The following ZBTB20 variants were observed in gnomAD, a reference collection of about 807,000 sequenced individuals.
ZBTB20 encodes the protein zinc finger and BTB domain-containing protein 20.
Under a neutral mutation model 56.9 loss-of-function variants are expected in ZBTB20, and 9 were observed. The ratio of observed to expected loss-of-function variants is 0.16; its 90% CI spans 0.10 to 0.28. The LOEUF is 0.28. Ranked by LOEUF, ZBTB20 falls within the 10% of genes least tolerant of loss-of-function variation. ZBTB20 has a pLI of 1.00. For missense variants in ZBTB20, 655 were observed against 1,003.0 expected (o/e 0.65, Z 4.69); for synonymous variants, 417 against 420.7 (o/e 0.99, Z 0.11).
At chr3:114,385,664 C>G (rs1293411658) in intron 8 of ZBTB20, among the ~76,000 whole-genome samples, 1 of 152,012 alleles carries the variant, frequency 6.6e-6, no homozygotes, top group African/African-American at 2.4e-5. Flanking sequence ...GTCAAGTGAT[C>G]GAGACAATCC....
intron 3 of ZBTB20, among the ~76,000 whole-genome samples, chr3:114,915,909 T>C (rs2075725137): frequency 6.6e-6 from 1 of 152,112 alleles, no homozygotes; most frequent in African/African-American, 2.4e-5. Context: ...TATTCCATGG[T>C]GATCAGAGAA....
intron 6 of ZBTB20, among the ~76,000 whole-genome samples, chr3:114,686,929 T>TCAA (rs1382096916): frequency 1.3e-5 from 2 of 151,972 alleles, no homozygotes; most frequent in Non-Finnish European, 2.9e-5. Flanking sequence ...TAGTGAACCT[T>TCAA]CAACAACAAC....
At chr3:115,059,004 AT>A (rs1051488162) in intron 2 of ZBTB20, among the ~76,000 whole-genome samples, 2 of 152,156 alleles carry the variant, frequency 1.3e-5, no homozygotes, top group African/African-American at 4.8e-5. Context: ...TTCCAAATAT[AT>A]TTTTCATCTC....
chr3:114,606,229 C>A (rs1560026399), intron 6 of ZBTB20, among the ~76,000 whole-genome samples: 1 of 152,124 alleles, frequency 6.6e-6, no homozygotes, highest in Non-Finnish European at 1.5e-5. Flanking sequence ...TCAATGAATT[C>A]ATTCAGTCCC....
chr3:114,616,949 T>C (rs920852343), intron 6 of ZBTB20, among the ~76,000 whole-genome samples: 1 of 152,220 alleles, frequency 6.6e-6, no homozygotes, highest in Admixed American at 6.5e-5. Context: ...GCCTATCTCT[T>C]GAACATATCT....
At position 114,764,305 on chromosome 3, in the gene ZBTB20, G is replaced by A. The variant is rs6803868; in HGVS notation, c.-343+36796C>T. On this transcript the variant is annotated intron_variant, in intron 5 of 11. Coordinates refer to ENST00000675478, the MANE Select transcript of ZBTB20 (RefSeq NM_001348800.3). ...AGGTTGGAATAATGACCAAAGGGAG[G>A]GGCAAAACAAACAGATATGCTCACT... 4.4e-3 allele frequency among the ~76,000 whole-genome samples: 661 copies of A among 151,324 alleles called. 3 individuals carry two copies. The highest frequency in any genetic ancestry group is 0.015 in the African/African-American group (601 of 41,194).
intron 2 of ZBTB20, among the ~76,000 whole-genome samples, chr3:115,051,294 A>G (rs2081538578): frequency 6.6e-6 from 1 of 152,080 alleles, no homozygotes; most frequent in Non-Finnish European, 1.5e-5. Flanking sequence ...TTAATCAATA[A>G]TCATAAAATT....
intron 5 of ZBTB20, among the ~76,000 whole-genome samples, chr3:114,776,035 T>C (rs2069582292): frequency 6.9e-6 from 1 of 145,886 alleles, no homozygotes; most frequent in Admixed American, 6.9e-5. Flanking sequence ...TTTTTTTCTT[T>C]TTTTTTTTTT....
At chr3:114,531,802 T>C (rs953062493) in intron 6 of ZBTB20, among the ~76,000 whole-genome samples, 1 of 152,070 alleles carries the variant, frequency 6.6e-6, no homozygotes, top group South Asian at 2.1e-4. Context: ...CTCATCTCAT[T>C]GGGACTGGTT....
intron 5 of ZBTB20, among the ~76,000 whole-genome samples, chr3:114,749,544 C>A (rs2108641750): frequency 7.1e-6 from 1 of 140,754 alleles, no homozygotes; most frequent in Non-Finnish European, 1.5e-5. Context: ...CAGTCCGTGA[C>A]TCCATCAAAG....
At chr3:114,450,226 A>C (rs2091520745) in intron 7 of ZBTB20, among the ~76,000 whole-genome samples, 1 of 152,218 alleles carries the variant, frequency 6.6e-6, no homozygotes, top group South Asian at 2.1e-4. Flanking sequence ...GTGTGTGTTT[A>C]AAACTATGAA....
rs2078815804 is a variant in ZBTB20, at chr3:114,319,509, T to C, written c.*19496A>G. 1 of 152,122 alleles carries C rather than the reference T, an allele frequency of 6.6e-6. No homozygotes were observed. Among genetic ancestry groups the C allele is most frequent in the African/African-American group, 2.4e-5 (1 of 41,428 alleles). 9.4% of individuals were successfully genotyped at this position (152,122 alleles called of 1,614,324 possible). On this transcript the variant is annotated 3_prime_UTR_variant, in exon 12 of 12. Coordinates refer to ENST00000675478, the MANE Select transcript of ZBTB20 (RefSeq NM_001348800.3). ...AACATTAAACAAATGATAGAGTCAGTTGGCTAGGAAAAATACCGCTGTTCT... is the reference window on the plus strand; with the variant it reads ...AACATTAAACAAATGATAGAGTCAGCTGGCTAGGAAAAATACCGCTGTTCT...
At chr3:114,932,670 T>C (rs1442526305) in intron 3 of ZBTB20, among the ~76,000 whole-genome samples, 1 of 152,236 alleles carries the variant, frequency 6.6e-6, no homozygotes, top group African/African-American at 2.4e-5. Flanking sequence ...ATGAGAATTT[T>C]AGTACAAATA....
At chr3:114,450,668 C>G (rs1037977878) in intron 7 of ZBTB20, among the ~76,000 whole-genome samples, 2 of 152,052 alleles carry the variant, frequency 1.3e-5, no homozygotes, top group Non-Finnish European at 2.9e-5. Flanking sequence ...CTGATACAAA[C>G]AGGATATATT....
chr3:114,615,022 G>A (rs2057831821), intron 6 of ZBTB20, among the ~76,000 whole-genome samples: 1 of 152,078 alleles, frequency 6.6e-6, no homozygotes, highest in Non-Finnish European at 1.5e-5. Flanking sequence ...CTCCCAAAGT[G>A]CCCAAAGTGC....
At chr3:114,521,539 T>C (rs999036816) in intron 6 of ZBTB20, among the ~76,000 whole-genome samples, 1 of 152,196 alleles carries the variant, frequency 6.6e-6, no homozygotes, top group Non-Finnish European at 1.5e-5. Flanking sequence ...TTCACATTTC[T>C]ACCTCTCTCA....
intron 4 of ZBTB20, among the ~76,000 whole-genome samples, chr3:114,859,880 A>G (rs1335315707): frequency 6.6e-6 from 1 of 152,198 alleles, no homozygotes; most frequent in Non-Finnish European, 1.5e-5. Context: ...ATAGGTTGAA[A>G]TCTGAGGCTT....
chr3:115,042,986 G>T (rs909694382), intron 2 of ZBTB20, among the ~76,000 whole-genome samples: 1 of 152,154 alleles, frequency 6.6e-6, no homozygotes, highest in Non-Finnish European at 1.5e-5. Flanking sequence ...TACAAAGGGA[G>T]AAAATAGTTA....
chr3:114,559,333 T>G (rs968486887), intron 6 of ZBTB20, among the ~76,000 whole-genome samples: 1 of 152,196 alleles, frequency 6.6e-6, no homozygotes, highest in Non-Finnish European at 1.5e-5. Context: ...CTCATTTTAC[T>G]AATTAAAAGC....
Sources: gnomAD v4.1 joint callset for allele counts (sites outside exome capture counted in the v4.1 genomes callset) on GRCh38, gnomAD v4.1.1 for gene constraint, MANE v1.5 for transcripts, NCBI Gene and HGNC (gene_info 2026-07-23, HGNC 2026-07-21) for gene names.